The following ESRRG variants were observed in gnomAD, a reference collection of about 807,000 sequenced individuals.
ESRRG encodes estrogen-related receptor gamma.
A neutral mutation model predicts 44.0 loss-of-function variants in ESRRG; 13 were observed. The ratio of observed to expected loss-of-function variants is 0.30; its 90% CI spans 0.19 to 0.47. ESRRG has a LOEUF of 0.47. ESRRG is among the 20% of genes least tolerant of loss of function. The probability of loss-of-function intolerance (pLI) is 1.00; values close to 1 mark genes in which losing one functional copy is unlikely to be tolerated. For synonymous variants in ESRRG, 215 were observed against 214.6 expected, an observed-to-expected ratio of 1.00 and a Z score of -0.02; for missense variants, 395 against 580.6, an observed-to-expected ratio of 0.68 and a Z score of 3.29.
At chr1:216,870,748 C>G (rs2096248663) in intron 2 of ESRRG, among the ~76,000 whole-genome samples, 1 of 151,946 alleles carries the variant, frequency 6.6e-6, no homozygotes, top group South Asian at 2.1e-4. Context: ...TATGTTCATT[C>G]CATCTACATT....
intron 1 of ESRRG, among the ~76,000 whole-genome samples, chr1:216,953,924 A>G (rs1349735664): frequency 6.6e-6 from 1 of 152,128 alleles, no homozygotes; most frequent in Non-Finnish European, 1.5e-5. Context: ...GGGGCAATGA[A>G]AAAAACATAA....
chr1:217,017,554 C>T (rs1454405564), intron 1 of ESRRG, among the ~76,000 whole-genome samples: 1 of 150,558 alleles, frequency 6.6e-6, no homozygotes, highest in East Asian at 1.9e-4. Context: ...TTGGATTATC[C>T]TGTTTAAAGT....
At chr1:217,124,281 C>G (rs939085536) in intron 1 of ESRRG, among the ~76,000 whole-genome samples, 1 of 152,134 alleles carries the variant, frequency 6.6e-6, no homozygotes, top group Non-Finnish European at 1.5e-5. Flanking sequence ...TATTCCACAA[C>G]TCTGGAAAGG....
intron 1 of ESRRG, among the ~76,000 whole-genome samples, chr1:217,048,177 G>A (rs1362860686): frequency 6.6e-6 from 1 of 152,182 alleles, no homozygotes; most frequent in Non-Finnish European, 1.5e-5. Flanking sequence ...TTGGCTTCAA[G>A]GTAGTACAGC....
At chr1:216,792,858 C>T (rs1471295140) in intron 2 of ESRRG, among the ~76,000 whole-genome samples, 1 of 152,156 alleles carries the variant, frequency 6.6e-6, no homozygotes, top group African/African-American at 2.4e-5. Flanking sequence ...TTCAATATAG[C>T]TTTTCATGCT....
At chr1:216,730,852 A>G (rs2088632727) in intron 2 of ESRRG, among the ~76,000 whole-genome samples, 1 of 152,214 alleles carries the variant, frequency 6.6e-6, no homozygotes, top group Non-Finnish European at 1.5e-5. Flanking sequence ...GCTCCATGCT[A>G]TACTAAGGGG....
At chr1:216,517,716 C>G (rs1428521687) in intron 6 of ESRRG, among the ~76,000 whole-genome samples, 1 of 151,998 alleles carries the variant, frequency 6.6e-6, no homozygotes, top group African/African-American at 2.4e-5. Context: ...AAATTTCTAC[C>G]CCATCTCTCA....
chr1:216,909,879 A>C (rs952349011), intron 2 of ESRRG, among the ~76,000 whole-genome samples: 2 of 152,202 alleles, frequency 1.3e-5, no homozygotes, highest in African/African-American at 4.8e-5. Flanking sequence ...ACCATTAATA[A>C]CAACAAGCAA....
chr1:216,605,522 T>A (rs188657932), intron 3 of ESRRG, among the ~76,000 whole-genome samples: 280 of 152,268 alleles, frequency 1.8e-3, no homozygotes, highest in African/African-American at 6.6e-3. Flanking sequence ...CAAAAGGAAA[T>A]TTTTAAGGTG....
chr1:217,026,949 A>AGAGAGAGAGAGAGAGAGAGAGAG (rs55861005), intron 1 of ESRRG, among the ~76,000 whole-genome samples: 1 of 146,752 alleles, frequency 6.8e-6, no homozygotes, highest in African/African-American at 2.5e-5. Flanking sequence ...AGAGAGAGAG[A>AGAGAGAGAGAGAGAGAGAGAGAG]AAGCCCAGTC....
intron 2 of ESRRG, among the ~76,000 whole-genome samples, chr1:216,771,606 A>G (rs1247970056): frequency 6.6e-6 from 1 of 152,100 alleles, no homozygotes; most frequent in African/African-American, 2.4e-5. Flanking sequence ...AAAAGCCTTT[A>G]TTTGATGATG....
At chr1:217,083,813 CATA>C (rs1347701934) in intron 1 of ESRRG, among the ~76,000 whole-genome samples, 18 of 152,298 alleles carry the variant, frequency 1.2e-4, no homozygotes, top group African/African-American at 4.3e-4. Flanking sequence ...TCTCTCCACA[CATA>C]ATAACTTGGA....
intron 2 of ESRRG, among the ~76,000 whole-genome samples, chr1:216,746,651 C>T (rs1368974020): frequency 2.6e-5 from 4 of 152,010 alleles, no homozygotes; most frequent in Non-Finnish European, 5.9e-5. Flanking sequence ...TATTTAGATC[C>T]TATAGCTGAT....
intron 1 of ESRRG, among the ~76,000 whole-genome samples, chr1:217,111,574 T>G (rs958087601): frequency 6.6e-6 from 1 of 152,222 alleles, no homozygotes; most frequent in Non-Finnish European, 1.5e-5. Context: ...CAAGACTTCA[T>G]AAACTTCAGA....
At chr1:216,645,221 T>G (rs111315242) in intron 3 of ESRRG, among the ~76,000 whole-genome samples, 2 of 152,072 alleles carry the variant, frequency 1.3e-5, no homozygotes, top group Non-Finnish European at 2.9e-5. Flanking sequence ...CCTAGGAAGA[T>G]GAAAAGCATT....
chr1:217,051,204 CG>C (rs1164233806), intron 1 of ESRRG, among the ~76,000 whole-genome samples: 1,473 of 33,500 alleles, frequency 0.044, 39 homozygotes, highest in Admixed American at 0.15. Flanking sequence ...ATAATGGGGG[CG>C]GGGGGGGGGG....
At chr1:216,994,648 G>GAC (rs1198521573) in intron 1 of ESRRG, among the ~76,000 whole-genome samples, 1 of 151,998 alleles carries the variant, frequency 6.6e-6, no homozygotes, top group East Asian at 1.9e-4. Context: ...GTGGCGCTAT[G>GAC]TCGGCTCACT....
intron 1 of ESRRG, among the ~76,000 whole-genome samples, chr1:216,688,818 C>T (rs1368028557): frequency 1.3e-5 from 2 of 152,090 alleles, no homozygotes; most frequent in Non-Finnish European, 2.9e-5. Flanking sequence ...TTTGTCATCG[C>T]TTTCATACAG....
intron 2 of ESRRG, among the ~76,000 whole-genome samples, chr1:216,853,720 A>G (rs11572555): frequency 2.6e-5 from 4 of 152,306 alleles, no homozygotes; most frequent in South Asian, 4.1e-4. Context: ...CCAGTAAAGC[A>G]TTCATTTCTG....
Sources: gnomAD v4.1 joint callset for allele counts (sites outside exome capture counted in the v4.1 genomes callset) on GRCh38, gnomAD v4.1.1 for gene constraint, MANE v1.5 for transcripts, NCBI Gene and HGNC (gene_info 2026-07-23, HGNC 2026-07-21) for gene names.